Variants in SCEL observed in about 807,000 individuals in gnomAD.
SCEL encodes sciellin.
Under a neutral mutation model 117.6 loss-of-function variants are expected in SCEL, and 113 were observed. The observed-to-expected ratio is 0.96, with a 90% CI of 0.83 to 1.12. SCEL has a LOEUF of 1.12. Ranked by LOEUF, SCEL falls within the 50% of genes most tolerant of loss-of-function variation. The pLI is 0.00. For missense variants in SCEL, 785 were observed against 810.8 expected (o/e 0.97, Z 0.39); for synonymous variants, 270 against 256.2 (o/e 1.05, Z -0.51).
rs749436854 is a variant in SCEL, at chr13:77,567,735, C to T, written c.346C>T (p.Gln116Ter). The T allele has an allele frequency of 1.2e-6, 2 of 1,600,968 alleles. No homozygotes were observed. Among genetic ancestry groups the T allele is most frequent in the South Asian group, 1.1e-5 (1 of 89,608 alleles). ...ATATAAGGCCAATACCTTGGATAAC[C>T]AACTAACCAATAGGTACCAGTATCT... The part of the protein sequence containing the change: ...KTYKANTLDN[Q>*]LTNRSMSMFR... The change falls in exon 6 of 33, where the codon CAA becomes TAA. Residue 116 changes from glutamine to a stop codon, truncating the protein, a stop_gained. Transcript: ENST00000349847. LOFTEE classifies it high-confidence loss of function.
chr13:77,635,913 A>G (rs1041290704), intron 29 of SCEL, among the ~76,000 whole-genome samples: 13 of 152,328 alleles, frequency 8.5e-5, no homozygotes, highest in African/African-American at 3.1e-4. Context: ...GAAACTCTGC[A>G]GCTCAGGCCC....
chr13:77,635,276 C>T (rs1013572484), intron 29 of SCEL, among the ~76,000 whole-genome samples: 3 of 152,070 alleles, frequency 2.0e-5, no homozygotes, highest in African/African-American at 4.8e-5. Flanking sequence ...CACTCTCTGG[C>T]GTGTTCAAGT....
chr13:77,591,077 G>T (rs187004924), intron 10 of SCEL, among the ~76,000 whole-genome samples: 12 of 151,978 alleles, frequency 7.9e-5, no homozygotes, highest in Non-Finnish European at 1.6e-4. Context: ...ATTTTAAAAT[G>T]TTATATCATT....
intron 9 of SCEL, among the ~76,000 whole-genome samples, chr13:77,581,788 G>C (rs1440771758): frequency 6.6e-6 from 1 of 152,190 alleles, no homozygotes; most frequent in African/African-American, 2.4e-5. Context: ...AAGCATGGCA[G>C]GTTAAAGGGA....
intron 9 of SCEL, among the ~76,000 whole-genome samples, chr13:77,576,400 A>G (rs2085943915): frequency 6.6e-6 from 1 of 152,018 alleles, no homozygotes; most frequent in Non-Finnish European, 1.5e-5. Context: ...ATCATTTTCT[A>G]TCAAGCCATT....
intron 9 of SCEL, among the ~76,000 whole-genome samples, chr13:77,583,593 A>T (rs2086386859): frequency 6.6e-6 from 1 of 152,190 alleles, no homozygotes; most frequent in African/African-American, 2.4e-5. Flanking sequence ...ACCAATTTTT[A>T]ATAGATTCGC....
At chr13:77,536,264 G>A (rs2083417274) in intron 1 of SCEL, among the ~76,000 whole-genome samples, 1 of 152,076 alleles carries the variant, frequency 6.6e-6, no homozygotes, top group Non-Finnish European at 1.5e-5. Context: ...TAGTTAATAA[G>A]TCATATTTAT....
Position 77,563,739 on chromosome 13 carries a change from T to C in SCEL, c.222-92T>C, listed in dbSNP as rs528899619. The stretch of plus-strand genomic sequence containing the variant: ...CATGTATATTTCCTACTGAAATAGG[T>C]CAAAATATTGCCATATGTATGATAG... On this transcript the variant is annotated intron_variant, in intron 4 of 32. Transcript: ENST00000349847. 5.0e-5 allele frequency: 45 copies of C among 906,800 alleles called. No homozygotes were observed. The South Asian group carries it at 7.5e-4, about 15-fold the overall frequency. 56.2% of individuals were successfully genotyped at this position (906,800 alleles called of 1,614,324 possible).
chr13:77,637,158 G>A lies in SCEL; in HGVS notation c.1802G>A (p.Gly601Glu), dbSNP rs777035986. 26 of 1,558,236 alleles carry A rather than the reference G, an allele frequency of 1.7e-5. No homozygotes were observed. The highest frequency in any genetic ancestry group is 2.0e-5 in the Non-Finnish European group (23 of 1,154,568). Residue 601 changes from glycine to glutamate, a missense_variant, in exon 30 of 33, where the codon GGA becomes GAA. Gly to Glu is a moderately conservative substitution (Grantham distance 98). Transcript: ENST00000349847. Reference protein sequence around the residue: ...PKDGYQENISGKYIQTVYSTS... With the variant: ...PKDGYQENISEKYIQTVYSTS... Reference sequence around the variant, plus strand: ...GATGGATATCAGGAGAATATCTCTGGAAAATACATACAAACTGTTTATTCA... The same window carrying A: ...GATGGATATCAGGAGAATATCTCTGAAAAATACATACAAACTGTTTATTCA...
At position 77,633,720 on chromosome 13, in the gene SCEL, A is replaced by G. The variant is rs1026405115; in HGVS notation, c.1692-659A>G. Among the ~76,000 whole-genome samples, 10 of 152,252 alleles carry G rather than the reference A, an allele frequency of 6.6e-5. No individual in the cohort carries two copies. The East Asian group carries it at 1.7e-3, about 26-fold the overall frequency. On this transcript the variant is annotated intron_variant, in intron 28 of 32. Transcript: ENST00000349847. ...CAACTGCAGAATAAATGACAGGACT[A>G]TTCTCCCTTTGTTTATAAAAATACC...
chr13:77,632,475 C>A (rs1221267505), intron 28 of SCEL, among the ~76,000 whole-genome samples: 1 of 152,148 alleles, frequency 6.6e-6, no homozygotes, highest in Admixed American at 6.5e-5. Context: ...TTAATTCCAC[C>A]TTCTCATCAC....
intron 1 of SCEL, among the ~76,000 whole-genome samples, chr13:77,542,112 A>C (rs2083734013): frequency 6.6e-6 from 1 of 152,228 alleles, no homozygotes; most frequent in Non-Finnish European, 1.5e-5. Context: ...TGCAGAAAAG[A>C]TGGGCTGTAA....
rs575530239 is a variant in SCEL, at chr13:77,607,674, A to G, written c.1158-382A>G. 2.6e-5 allele frequency among the ~76,000 whole-genome samples: 4 copies of G among 152,222 alleles called. No homozygotes were observed. In the South Asian group the frequency reaches 6.2e-4, roughly 24 times the overall value. ...AAAGTTCTACATGTTGGAGGTTGAT[A>G]AAGAGTATGCCTTCTGGAATGCTTC... On this transcript the variant is annotated intron_variant, in intron 19 of 32. Coordinates refer to ENST00000349847, the MANE Select transcript of SCEL (RefSeq NM_144777.3).
At chr13:77,579,034 A>C (rs1376062523) in intron 9 of SCEL, among the ~76,000 whole-genome samples, 2 of 152,190 alleles carry the variant, frequency 1.3e-5, no homozygotes, top group Non-Finnish European at 2.9e-5. Flanking sequence ...TGGGGGGCTA[A>C]GGTTACATGG....
chr13:77,556,851 T>C, intron 3 of SCEL, 138 bp downstream of exon 3: 2 of 659,692 alleles, frequency 3.0e-6, no homozygotes, highest in African/African-American at 3.6e-5. Context: ...TTGGTGAGAC[T>C]TAGTAAGCAC....
chr13:77,599,561 C>A (rs1187651042), intron 14 of SCEL, 128 bp from the exon 15 acceptor site: 3 of 891,578 alleles, frequency 3.4e-6, no homozygotes, highest in Non-Finnish European at 5.5e-6. Context: ...AGAAGGATTT[C>A]TGCTCTTCCA....
intron 12 of SCEL, 32 bp from the exon 13 acceptor site, chr13:77,597,513 C>G: frequency 7.4e-7 from 1 of 1,356,790 alleles, no homozygotes; most frequent in Non-Finnish European, 1.0e-6. Context: ...AAGCTTTTTA[C>G]TAATGTTAAA....
At chr13:77,598,075 C>A (rs2087364929) in intron 13 of SCEL, among the ~76,000 whole-genome samples, 2 of 152,186 alleles carry the variant, frequency 1.3e-5, no homozygotes, top group South Asian at 4.1e-4. Flanking sequence ...CATCCTCTTG[C>A]CTCAGCCTCC....
Position 77,591,466 on chromosome 13 carries a change from C to G in SCEL, c.692+6C>G. 6.7e-7 allele frequency: 1 copy of G among 1,484,188 alleles called. No homozygotes were observed. Among genetic ancestry groups the G allele is most frequent in the Non-Finnish European group, 9.4e-7 (1 of 1,064,828 alleles). The allele number at this position is 1,484,188 out of a possible 1,614,324, so 91.9% of individuals were successfully genotyped here. ...TCTGCTGAAAGAAATATAAGGTACA[C>G]TGATTTCTATTTATATCTATGTAAC... On this transcript the variant is annotated splice_donor_region_variant and intron_variant, in intron 11 of 32. Coordinates refer to ENST00000349847, the MANE Select transcript of SCEL (RefSeq NM_144777.3).
Sources: allele counts gnomAD v4.1 joint callset (sites outside exome capture counted in the v4.1 genomes callset), GRCh38; gene constraint gnomAD v4.1.1; transcripts MANE v1.5; gene names NCBI Gene and HGNC (gene_info 2026-07-23, HGNC 2026-07-21).